Variants in PATJ observed in about 807,000 individuals in gnomAD.
PATJ encodes inaD-like protein.
Under a neutral mutation model 224.9 loss-of-function variants are expected in PATJ, and 190 were observed. The observed-to-expected ratio is 0.84, with a 90% CI of 0.75 to 0.95. The LOEUF is 0.95. Ranked by LOEUF, PATJ falls within the 40% of genes least tolerant of loss-of-function variation. The pLI is 0.00. For synonymous variants in PATJ, 769 were observed against 820.3 expected (o/e 0.94, Z 1.07); for missense variants, 2,121 against 2,270.3 (o/e 0.93, Z 1.34).
At chr1:62,159,147 T>C (rs116275807) in intron 43 of PATJ, among the ~76,000 whole-genome samples, 1,645 of 152,338 alleles carry the variant, frequency 0.011, 33 homozygotes, top group African/African-American at 0.038. Flanking sequence ...TTGTCTTTAA[T>C]ACAGTTGACA....
intron 41 of PATJ, among the ~76,000 whole-genome samples, chr1:62,147,954 A>G (rs924684825): frequency 6.6e-6 from 1 of 150,808 alleles, no homozygotes; most frequent in Non-Finnish European, 1.5e-5. Flanking sequence ...CAAGAGTGAA[A>G]CTGTCTCAAA....
chr1:62,079,142 A>G (rs1658828238), intron 31 of PATJ, among the ~76,000 whole-genome samples: 1 of 152,146 alleles, frequency 6.6e-6, no homozygotes, highest in Admixed American at 6.6e-5. Context: ...AAATTGCAAG[A>G]TAATTTTTGT....
chr1:62,134,242 C>G (rs909822355), intron 41 of PATJ, among the ~76,000 whole-genome samples: 1 of 144,170 alleles, frequency 6.9e-6, no homozygotes, highest in Admixed American at 7.0e-5. Flanking sequence ...GACAAGGTCT[C>G]ATTATTGGCC....
chr1:61,826,050 C>T (rs1658189260), intron 15 of PATJ, among the ~76,000 whole-genome samples: 1 of 152,220 alleles, frequency 6.6e-6, no homozygotes, highest in Middle Eastern at 3.2e-3. Context: ...GCTGAGCTTG[C>T]TGTCGCCTAG....
At chr1:62,025,722 C>T (rs1647744122) in intron 29 of PATJ, among the ~76,000 whole-genome samples, 2 of 152,290 alleles carry the variant, frequency 1.3e-5, no homozygotes, top group Admixed American at 6.5e-5. Context: ...GCTCAAGAGA[C>T]GGAGGCAAGA....
intron 33 of PATJ, among the ~76,000 whole-genome samples, chr1:62,106,079 T>TATATATAC (rs1313613418): frequency 4.8e-5 from 1 of 20,772 alleles, no homozygotes; most frequent in Non-Finnish European, 9.1e-5. Flanking sequence ...TATATATATA[T>TATATATAC]ACACACACAC....
In PATJ at chr1:62,043,302, T is replaced by C. The variant is rs144297168; in HGVS notation, c.4032+5253T>C. Reference sequence around the variant, plus strand: ...AGTGCTTGTGGTAATTATAATACCATTGGCACAATTCTACAGCATAGTGAT... The same window carrying C: ...AGTGCTTGTGGTAATTATAATACCACTGGCACAATTCTACAGCATAGTGAT... On this transcript the variant is annotated intron_variant, in intron 30 of 43. Coordinates refer to ENST00000642238, the MANE Select transcript of PATJ (RefSeq NM_001350145.3). Among the ~76,000 whole-genome samples, 253 of 152,336 alleles carry C rather than the reference T, an allele frequency of 1.7e-3. 1 individual carries two copies. Among genetic ancestry groups the C allele is most frequent in the African/African-American group, 5.9e-3 (246 of 41,582 alleles).
chr1:61,748,899 T>C (rs930569899), intron 1 of PATJ, among the ~76,000 whole-genome samples: 1 of 152,186 alleles, frequency 6.6e-6, no homozygotes, highest in African/African-American at 2.4e-5. Flanking sequence ...ATAGTAGTTA[T>C]CATTTGTTGA....
intron 26 of PATJ, among the ~76,000 whole-genome samples, chr1:61,926,023 T>G (rs1675142220): frequency 6.6e-6 from 1 of 152,228 alleles, no homozygotes; most frequent in African/African-American, 2.4e-5. Context: ...GACATTTTTC[T>G]AAGGTTAATA....
chr1:61,829,840 C>T (rs769713015), intron 16 of PATJ, among the ~76,000 whole-genome samples: 15 of 152,144 alleles, frequency 9.9e-5, no homozygotes, highest in Non-Finnish European at 1.2e-4. Flanking sequence ...ATTAAATGCC[C>T]CAGTAAAACA....
At chr1:62,035,877 C>T (rs1162325473) in intron 29 of PATJ, among the ~76,000 whole-genome samples, 4 of 151,964 alleles carry the variant, frequency 2.6e-5, no homozygotes, top group Admixed American at 1.3e-4. Context: ...TAGGAAATGA[C>T]GTTTATGATG....
intron 31 of PATJ, among the ~76,000 whole-genome samples, chr1:62,062,901 G>T (rs1423915742): frequency 6.6e-6 from 1 of 152,110 alleles, no homozygotes; most frequent in Non-Finnish European, 1.5e-5. Context: ...ATAGATTCTG[G>T]ATATTAGACC....
intron 22 of PATJ, among the ~76,000 whole-genome samples, chr1:61,887,172 G>A (rs1669007055): frequency 6.6e-6 from 1 of 152,024 alleles, no homozygotes; most frequent in Admixed American, 6.6e-5. Context: ...GCCATAAAGG[G>A]GGTGATTAAA....
At chr1:61,954,483 A>G (rs1220027342) in intron 27 of PATJ, among the ~76,000 whole-genome samples, 1 of 152,194 alleles carries the variant, frequency 6.6e-6, no homozygotes, top group African/African-American at 2.4e-5. Context: ...TGATATATAT[A>G]AGTATAGGTT....
chr1:61,824,526 A>G (rs1057462352), intron 15 of PATJ, among the ~76,000 whole-genome samples: 1 of 151,292 alleles, frequency 6.6e-6, no homozygotes, highest in Admixed American at 6.6e-5. Context: ...CCTGGGCTCA[A>G]GCAATCTTCC....
chr1:61,751,194 G>GA (rs1645303271), intron 1 of PATJ, among the ~76,000 whole-genome samples: 1 of 151,704 alleles, frequency 6.6e-6, no homozygotes, highest in Non-Finnish European at 1.5e-5. Flanking sequence ...TGGAGACGGG[G>GA]TTTCACAATG....
intron 6 of PATJ, among the ~76,000 whole-genome samples, chr1:61,773,890 G>C (rs1011756201): frequency 6.6e-6 from 1 of 152,050 alleles, no homozygotes; most frequent in African/African-American, 2.4e-5. Flanking sequence ...GGAGGCCAAG[G>C]CAGGCGGATC....
chr1:62,035,716 C>G (rs1215007429), intron 29 of PATJ, among the ~76,000 whole-genome samples: 1 of 151,680 alleles, frequency 6.6e-6, no homozygotes, highest in Non-Finnish European at 1.5e-5. Context: ...GAGTCCTGTC[C>G]TTGGAATGCT....
At position 61,990,235 on chromosome 1, in the gene PATJ, G is replaced by A; in HGVS notation, c.3738G>A (p.Lys1246=). The change falls in exon 28 of 44, where the codon AAG becomes AAA. Residue 1246 remains lysine, a synonymous_variant. Coordinates refer to ENST00000642238, the MANE Select transcript of PATJ (RefSeq NM_001350145.3). ...ELHIIELEKD[K]NGLGLSLAGN... The stretch of plus-strand genomic sequence containing the variant: ...ACATTATTGAACTTGAAAAAGATAA[G>A]AATGGACTTGGACTCAGCCTTGCTG... 6.2e-7 allele frequency: 1 copy of A among 1,613,936 alleles called. No homozygotes were observed. The highest frequency in any genetic ancestry group is 1.7e-4 in the Middle Eastern group (1 of 6,060).
Sources: gnomAD v4.1 joint callset for allele counts (sites outside exome capture counted in the v4.1 genomes callset) on GRCh38, gnomAD v4.1.1 for gene constraint, MANE v1.5 for transcripts, NCBI Gene and HGNC (gene_info 2026-07-23, HGNC 2026-07-21) for gene names.